The following GADL1 variants were observed in gnomAD, a reference collection of about 807,000 sequenced individuals.
GADL1 encodes acidic amino acid decarboxylase GADL1.
A neutral mutation model predicts 69.5 loss-of-function variants in GADL1; 71 were observed. The observed-to-expected ratio is 1.02, with a 90% confidence interval of 0.84 to 1.25. The LOEUF (loss-of-function observed/expected upper bound fraction) is 1.25, where lower values mean the gene tolerates loss of function less well. GADL1 is among the 50% of genes most tolerant of loss of function. GADL1 has a pLI of 0.00. For synonymous variants in GADL1, 254 were observed against 214.4 expected (o/e 1.18, Z -1.62); for missense variants, 737 against 631.8 (o/e 1.17, Z -1.79).
In GADL1 at chr3:30,894,624, C is replaced by T. The variant is rs1441591976; in HGVS notation, c.-10G>A. On this transcript the variant is annotated 5_prime_UTR_variant, in exon 1 of 15. Coordinates refer to ENST00000282538, the MANE Select transcript of GADL1 (RefSeq NM_207359.3). ...CCGAGTCGCTGCTCATCTCCGCTCCCCCACTCCAGGCTGCCCCGGGCGCGG... is the reference window on the plus strand; with the variant it reads ...CCGAGTCGCTGCTCATCTCCGCTCCTCCACTCCAGGCTGCCCCGGGCGCGG... The T allele has an allele frequency of 3.2e-6, 5 of 1,550,616 alleles. No homozygotes were observed. The highest frequency in any genetic ancestry group is 2.4e-5 in the East Asian group (1 of 40,852).
At chr3:30,823,193 G>A (rs979436557) in intron 11 of GADL1, among the ~76,000 whole-genome samples, 17 of 151,974 alleles carry the variant, frequency 1.1e-4, no homozygotes, top group African/African-American at 3.1e-4. Context: ...AGCTAGAGAC[G>A]TTCCTACTCC....
intron 14 of GADL1, among the ~76,000 whole-genome samples, chr3:30,751,417 C>A (rs1223428944): frequency 6.6e-6 from 1 of 151,598 alleles, no homozygotes; most frequent in Non-Finnish European, 1.5e-5. Flanking sequence ...CTCCGTTCTT[C>A]TGTTGCTTTG....
chr3:30,873,508 C>T (rs1419691052), intron 1 of GADL1, among the ~76,000 whole-genome samples: 3 of 151,962 alleles, frequency 2.0e-5, no homozygotes, highest in Admixed American at 2.0e-4. Context: ...CAAGGAAGAA[C>T]ATATTGCTTT....
intron 14 of GADL1, among the ~76,000 whole-genome samples, chr3:30,751,385 G>A (rs1384416064): frequency 6.6e-6 from 1 of 151,968 alleles, no homozygotes; most frequent in Non-Finnish European, 1.5e-5. Flanking sequence ...TCTTCGCTCA[G>A]TCTGTGCTTT....
intron 11 of GADL1, among the ~76,000 whole-genome samples, chr3:30,806,749 G>C (rs1314926254): frequency 6.6e-6 from 1 of 152,176 alleles, no homozygotes; most frequent in Non-Finnish European, 1.5e-5. Flanking sequence ...AGGGACAGCT[G>C]GACAGATGAG....
chr3:30,738,986 TC>T (rs1695577622), intron 14 of GADL1, among the ~76,000 whole-genome samples: 1 of 152,166 alleles, frequency 6.6e-6, no homozygotes, highest in Admixed American at 6.5e-5. Flanking sequence ...TTTATTCCAC[TC>T]TAACAAGCCA....
chr3:30,846,438 A>T (rs1698059272), intron 6 of GADL1, among the ~76,000 whole-genome samples: 1 of 152,134 alleles, frequency 6.6e-6, no homozygotes, highest in African/African-American at 2.4e-5. Flanking sequence ...TTTTTCTATG[A>T]CCTTGAGCTT....
intron 3 of GADL1, among the ~76,000 whole-genome samples, chr3:30,856,430 T>C (rs557118551): frequency 1.4e-4 from 21 of 152,212 alleles, no homozygotes; most frequent in African/African-American, 4.8e-4. Context: ...AGTTATGACA[T>C]CACTGTGAAA....
chr3:30,786,504 TAAG>T (rs1373907660), intron 12 of GADL1, 98 bp from the exon 13 acceptor site: 8 of 706,716 alleles, frequency 1.1e-5, no homozygotes, highest in South Asian at 1.1e-4. Flanking sequence ...GGCTTGGAGA[TAAG>T]AAAGATACAG....
At position 30,759,560 on chromosome 3, in the gene GADL1, CTG is replaced by C. The variant is rs1260292775; in HGVS notation, c.1392+18617_1392+18618del. 2.3e-4 allele frequency among the ~76,000 whole-genome samples: 35 copies of C among 152,352 alleles called. No individual in the cohort carries two copies. In the South Asian group the frequency reaches 2.5e-3, roughly 11 times the overall value. ...ACTGAGACACGTTCCCACAGTAACA[CTG>C]TGGTAAGCTAAAGCCTAATTTTGAA... On this transcript the variant is annotated intron_variant, in intron 14 of 14. Transcript: ENST00000282538.
intron 11 of GADL1, among the ~76,000 whole-genome samples, chr3:30,824,795 CAG>C (rs1463324363): frequency 6.6e-6 from 1 of 151,780 alleles, no homozygotes; most frequent in Non-Finnish European, 1.5e-5. Context: ...AAGAAAGTAT[CAG>C]AAAGAAACAC....
chr3:30,890,554 A>G (rs1367453180), intron 1 of GADL1, among the ~76,000 whole-genome samples: 3 of 152,334 alleles, frequency 2.0e-5, no homozygotes, highest in Middle Eastern at 3.4e-3. Context: ...TCGCCTCCCT[A>G]TGAATCACCT....
At chr3:30,774,916 C>T (rs7635114) in intron 14 of GADL1, among the ~76,000 whole-genome samples, 30,936 of 151,682 alleles carry the variant, frequency 0.2, 6,302 homozygotes, top group African/African-American at 0.53. Flanking sequence ...AGGGGCTTGA[C>T]GGTAAAGAAA....
intron 4 of GADL1, among the ~76,000 whole-genome samples, 180 bp downstream of exon 4, chr3:30,854,519 G>A (rs889714635): frequency 2.0e-5 from 3 of 151,840 alleles, no homozygotes; most frequent in East Asian, 1.9e-4. Context: ...TCCATCTCAC[G>A]GTACCACTAT....
At chr3:30,754,684 C>T (rs1383705858) in intron 14 of GADL1, among the ~76,000 whole-genome samples, 1 of 152,100 alleles carries the variant, frequency 6.6e-6, no homozygotes. Flanking sequence ...TCTCAACTGC[C>T]TAAGAGCTCT....
chr3:30,885,675 C>G (rs1698694061), intron 1 of GADL1, among the ~76,000 whole-genome samples: 1 of 152,008 alleles, frequency 6.6e-6, no homozygotes, highest in East Asian at 1.9e-4. Context: ...ACAAAACAGA[C>G]TTCTATATAA....
At chr3:30,783,084 G>A (rs1334076311) in intron 13 of GADL1, among the ~76,000 whole-genome samples, 2 of 152,190 alleles carry the variant, frequency 1.3e-5, no homozygotes, top group African/African-American at 4.8e-5. Flanking sequence ...ATCACAGGTT[G>A]ACCACCTGTT....
chr3:30,831,264 TTATTCTC>T (rs1190281412), intron 11 of GADL1, among the ~76,000 whole-genome samples: 1 of 151,958 alleles, frequency 6.6e-6, no homozygotes, highest in African/African-American at 2.4e-5. Context: ...AATCTTCACA[TTATTCTC>T]TATGCCTCAG....
Position 30,728,354 on chromosome 3 carries a change from G to A in GADL1, c.1454C>T (p.Pro485Leu), listed in dbSNP as rs745494042. 21 of 1,613,648 alleles carry A rather than the reference G, an allele frequency of 1.3e-5. No individual in the cohort carries two copies. Among genetic ancestry groups the A allele is most frequent in the Non-Finnish European group, 1.6e-5 (19 of 1,179,810 alleles). ...GAAGAAGTTGACCTTTCCCCGGTGC[G>A]GCTGGTAGCCCAGCATCAAGCTTCC... Reference protein sequence around the residue: ...KKGSLMLGYQPHRGKVNFFRQ... With the variant: ...KKGSLMLGYQLHRGKVNFFRQ... The change falls in exon 15 of 15, where the codon CCG becomes CTG. Residue 485 changes from proline (P) to leucine (L), a missense_variant. Coordinates refer to ENST00000282538, the MANE Select transcript of GADL1 (RefSeq NM_207359.3).
Sources: gnomAD v4.1 joint callset for allele counts (sites outside exome capture counted in the v4.1 genomes callset) on GRCh38, gnomAD v4.1.1 for gene constraint, MANE v1.5 for transcripts, NCBI Gene and HGNC (gene_info 2026-07-23, HGNC 2026-07-21) for gene names.